Variants in DYNC2I1 observed in about 807,000 individuals in gnomAD.
DYNC2I1 encodes cytoplasmic dynein 2 intermediate chain 1.
Under a neutral mutation model 133.4 loss-of-function variants are expected in DYNC2I1, and 89 were observed. The observed-to-expected ratio is 0.67, with a 90% confidence interval of 0.56 to 0.80. DYNC2I1 has a LOEUF of 0.80. Among genes scored for constraint, DYNC2I1 ranks in the 30% least tolerant of loss-of-function variants. The pLI, the probability that DYNC2I1 is intolerant of heterozygous loss-of-function variation, is 0.00. For synonymous variants in DYNC2I1, 504 were observed against 484.3 expected, an observed-to-expected ratio of 1.04 and a Z score of -0.54; for missense variants, 1,291 against 1,314.5, an observed-to-expected ratio of 0.98 and a Z score of 0.28.
intron 5 of DYNC2I1, among the ~76,000 whole-genome samples, chr7:158,884,033 C>T (rs565098890): frequency 6.3e-4 from 93 of 147,816 alleles, no homozygotes; most frequent in Non-Finnish European, 1.1e-3. Flanking sequence ...CACCTTTATC[C>T]TTTTAAAAAA....
intron 23 of DYNC2I1, among the ~76,000 whole-genome samples, chr7:158,937,579 T>C (rs985150347): frequency 4.9e-5 from 7 of 141,862 alleles, no homozygotes; most frequent in African/African-American, 1.8e-4. Flanking sequence ...TGAGCTGAGA[T>C]TGTGGGCACT....
chr7:158,852,367 G>A (rs567081471), upstream of DYNC2I1, among the ~76,000 whole-genome samples: 4 of 151,750 alleles, frequency 2.6e-5, 1 homozygote, highest in African/African-American at 9.7e-5. Context: ...TGATCCGCCC[G>A]CCTTGGCCTC....
Position 158,945,450 on chromosome 7 carries a change from G to A in DYNC2I1, c.3003-131G>A. ...TTATTTCTGGTCTAGCTTTCATTTT[G>A]GCTATTGGTATTTTTAGAATTTCTC... On this transcript the variant is annotated intron_variant, in intron 24 of 24. Transcript: ENST00000407559. The surrounding 1 kb of genome is among the most constrained non-coding windows in gnomAD (Gnocchi z 4.1). 2.0e-6 allele frequency: 2 copies of A among 994,996 alleles called. No homozygotes were observed. Among genetic ancestry groups the A allele is most frequent in the Non-Finnish European group, 2.9e-6 (2 of 691,986 alleles). 61.6% of individuals were successfully genotyped at this position (994,996 alleles called of 1,614,324 possible). A position where few individuals can be genotyped will look rare whatever the true frequency, so the allele number is the denominator to read the frequency against.
intron 23 of DYNC2I1, among the ~76,000 whole-genome samples, chr7:158,940,917 C>A (rs1484606799): frequency 6.6e-6 from 1 of 151,946 alleles, no homozygotes; most frequent in African/African-American, 2.4e-5. Flanking sequence ...CAATGCACCT[C>A]AAGGAAGGAG....
In DYNC2I1 at chr7:158,922,572, C is replaced by T. The variant is rs1849209506; in HGVS notation, c.2094+23C>T. The T allele has an allele frequency of 5.6e-6, 9 of 1,608,612 alleles. No individual in the cohort carries two copies. The East Asian group carries it at 1.3e-4, about 24-fold the overall frequency. On this transcript the variant is annotated intron_variant, in intron 16 of 24. Coordinates refer to ENST00000407559, the MANE Select transcript of DYNC2I1 (RefSeq NM_018051.5). ...CAGGTACAGCTCAGGATGAGAGTCG[C>T]ACGTTTGATGGGAGGATGGGCAGTG...
Position 158,913,051 on chromosome 7 carries a change from G to A in DYNC2I1, c.1657G>A (p.Glu553Lys). Reference sequence around the variant, plus strand: ...TCAAACGGAGGAAATAGAGACCAGGGAAGTGTGGACCCAGCACCCGGGAGA... The same window carrying A: ...TCAAACGGAGGAAATAGAGACCAGGAAAGTGTGGACCCAGCACCCGGGAGA... ...DIQTEEIETR[E>K]VWTQHPGEST... Residue 553 changes from glutamate (E) to lysine (K), a missense_variant, in exon 13 of 25, where the codon GAA (glutamate) becomes AAA (lysine). Transcript: ENST00000407559. 2 of 1,613,622 alleles carry A rather than the reference G, an allele frequency of 1.2e-6. No individual in the cohort carries two copies. Among genetic ancestry groups the A allele is most frequent in the Non-Finnish European group, 1.7e-6 (2 of 1,179,696 alleles).
chr7:158,905,953 C>T (rs747528814), intron 10 of DYNC2I1, 36 bp from the exon 11 acceptor site: 16 of 1,541,312 alleles, frequency 1.0e-5, no homozygotes, highest in South Asian at 2.3e-5. Flanking sequence ...GACATATTTC[C>T]GTGTTGGAAA....
chr7:158,929,174 T>C (rs1055114000), intron 20 of DYNC2I1, among the ~76,000 whole-genome samples: 1 of 152,166 alleles, frequency 6.6e-6, no homozygotes, highest in African/African-American at 2.4e-5. Context: ...GACCAGCCCG[T>C]TGTTCAGGGT....
chr7:158,919,695 A>G (rs1245640450), intron 15 of DYNC2I1, among the ~76,000 whole-genome samples: 2 of 152,184 alleles, frequency 1.3e-5, no homozygotes, highest in African/African-American at 4.8e-5. Context: ...CAGTTTATTT[A>G]CATTTCTCTG....
chr7:158,941,779 G>A (rs1174265584), intron 23 of DYNC2I1, 146 bp from the exon 24 acceptor site: 3 of 841,714 alleles, frequency 3.6e-6, no homozygotes, highest in Admixed American at 2.3e-5. Flanking sequence ...TCAGGAGGCC[G>A]AGGCAGGAGG....
chr7:158,923,781 C>T (rs775472528), intron 17 of DYNC2I1, 48 bp downstream of exon 17: 22 of 1,579,344 alleles, frequency 1.4e-5, no homozygotes, highest in Admixed American at 3.7e-5. Context: ...AAAAGCCACA[C>T]GGATTTGAGG....
intron 8 of DYNC2I1, among the ~76,000 whole-genome samples, chr7:158,897,065 C>A (rs1010653350): frequency 1.3e-5 from 2 of 150,578 alleles, no homozygotes; most frequent in African/African-American, 4.9e-5. Context: ...ATCGCTGCAG[C>A]CTCCACCTCC....
At chr7:158,935,267 C>G (rs1051301833) in intron 23 of DYNC2I1, among the ~76,000 whole-genome samples, 1 of 152,244 alleles carries the variant, frequency 6.6e-6, no homozygotes, top group African/African-American at 2.4e-5. Flanking sequence ...CTGTCTTCCC[C>G]TCCAGGGCCT....
intron 5 of DYNC2I1, among the ~76,000 whole-genome samples, chr7:158,883,361 G>A (rs1042366178): frequency 2.0e-5 from 3 of 151,180 alleles, no homozygotes; most frequent in Non-Finnish European, 2.9e-5. Flanking sequence ...GGGATTACAG[G>A]TGTGCATCTG....
chr7:158,955,832 G>A (rs528974470), intron 4 of DYNC2I1, among the ~76,000 whole-genome samples: 1 of 152,336 alleles, frequency 6.6e-6, no homozygotes, highest in African/African-American at 2.4e-5. Context: ...AGCCCTGTGG[G>A]GAGCCACAAA....
chr7:158,954,587 G>A (rs1029338750), intron 4 of DYNC2I1, among the ~76,000 whole-genome samples: 1 of 152,214 alleles, frequency 6.6e-6, no homozygotes, highest in Non-Finnish European at 1.5e-5. Flanking sequence ...GGTGGAGCTT[G>A]CAGTGAGCTG....
At chr7:158,932,098 G>A (rs2730245) in intron 21 of DYNC2I1, among the ~76,000 whole-genome samples, 3 of 151,978 alleles carry the variant, frequency 2.0e-5, no homozygotes, top group South Asian at 2.1e-4. Flanking sequence ...TTTGTACCCC[G>A]CATCCCATCA....
intron 14 of DYNC2I1, among the ~76,000 whole-genome samples, chr7:158,916,591 C>T (rs1435583788): frequency 1.0e-4 from 6 of 57,198 alleles, no homozygotes; most frequent in South Asian, 5.7e-4. Context: ...GATTGTGAAA[C>T]GTCGACACGC....
chr7:158,950,376 G>A (rs1424925830), downstream of DYNC2I1, among the ~76,000 whole-genome samples: 1 of 152,160 alleles, frequency 6.6e-6, no homozygotes, highest in Non-Finnish European at 1.5e-5. Flanking sequence ...AAGATTCCAG[G>A]TGTGAGCACC....
Sources: allele counts gnomAD v4.1 joint callset (sites outside exome capture counted in the v4.1 genomes callset), GRCh38; gene constraint gnomAD v4.1.1; non-coding constraint Gnocchi (gnomAD v3.1); transcripts MANE v1.5; gene names NCBI Gene and HGNC (gene_info 2026-07-23, HGNC 2026-07-21).